The following AFG2A variants were observed in gnomAD, a reference collection of about 807,000 sequenced individuals.
AFG2A encodes the protein AAA ATPase AFG2A, also known as ATPase family gene 2 protein homolog A.
At chr4:123,009,996 C>T in the AFG2A span, among the ~76,000 whole-genome samples, 1 of 152,216 alleles carries the variant, frequency 6.6e-6, no homozygotes, top group South Asian at 2.1e-4. Flanking sequence ...TGCACAACTT[C>T]ATATCTTTCT....
the AFG2A span, among the ~76,000 whole-genome samples, chr4:123,190,648 AAAG>A: frequency 6.6e-6 from 1 of 152,252 alleles, no homozygotes. Flanking sequence ...CACAGGAATG[AAAG>A]AAGAATTGAC....
At chr4:123,313,365 A>G in the AFG2A span, among the ~76,000 whole-genome samples, 1 of 152,244 alleles carries the variant, frequency 6.6e-6, no homozygotes, top group African/African-American at 2.4e-5. Context: ...AAAGAGATAC[A>G]CATAAAGAAA....
the AFG2A span, among the ~76,000 whole-genome samples, chr4:123,303,263 AAAAC>A: frequency 6.6e-6 from 1 of 152,228 alleles, no homozygotes; most frequent in Non-Finnish European, 1.5e-5. Flanking sequence ...AAATTTTTAA[AAAAC>A]AAAAACTATT....
chr4:123,275,292 ATGTT>A, the AFG2A span, among the ~76,000 whole-genome samples: 38 of 152,182 alleles, frequency 2.5e-4, no homozygotes, highest in South Asian at 8.3e-4. Flanking sequence ...TTTGCAAGCA[ATGTT>A]TGCATAAAGT....
At chr4:123,119,714 T>C in the AFG2A span, among the ~76,000 whole-genome samples, 1 of 152,162 alleles carries the variant, frequency 6.6e-6, no homozygotes, top group Non-Finnish European at 1.5e-5. Context: ...GCAATAATTA[T>C]GGGATATTTC....
chr4:123,129,957 G>C, the AFG2A span, among the ~76,000 whole-genome samples: 5 of 151,998 alleles, frequency 3.3e-5, no homozygotes, highest in Admixed American at 2.0e-4. Context: ...CTGAAACACA[G>C]ATGGTTAAGA....
At chr4:122,923,979 A>T in the AFG2A span, among the ~76,000 whole-genome samples, 1 of 152,236 alleles carries the variant, frequency 6.6e-6, no homozygotes, top group Admixed American at 6.5e-5. Flanking sequence ...GGGAGAACGT[A>T]TTTATACTGA....
chr4:123,076,958 C>CTGTGTG, the AFG2A span, among the ~76,000 whole-genome samples: 1 of 144,966 alleles, frequency 6.9e-6, no homozygotes, highest in African/African-American at 2.6e-5. Context: ...AAGCCCTGTG[C>CTGTGTG]TGTGTGTGTG....
At chr4:123,015,036 G>T in the AFG2A span, among the ~76,000 whole-genome samples, 1 of 152,190 alleles carries the variant, frequency 6.6e-6, no homozygotes, top group African/African-American at 2.4e-5. Flanking sequence ...TGGGAGAAAA[G>T]AGAAGCAAAG....
chr4:123,285,250 C>T, the AFG2A span, among the ~76,000 whole-genome samples: 1 of 152,144 alleles, frequency 6.6e-6, no homozygotes, highest in Non-Finnish European at 1.5e-5. Context: ...CTAAAGCCCT[C>T]TTTCAGTTTT....
chr4:122,923,125 C>T, the AFG2A span: 9 of 1,613,958 alleles, frequency 5.6e-6, no homozygotes, highest in Admixed American at 6.7e-5. Context: ...ACTGCTTCGG[C>T]TAGGGTACCT....
chr4:123,234,835 C>T, the AFG2A span, among the ~76,000 whole-genome samples: 114 of 152,158 alleles, frequency 7.5e-4, no homozygotes, highest in African/African-American at 2.6e-3. Context: ...CCACCACTTA[C>T]CAGCTATGTA....
At chr4:123,005,271 C>T in the AFG2A span, among the ~76,000 whole-genome samples, 1 of 152,122 alleles carries the variant, frequency 6.6e-6, no homozygotes, top group Non-Finnish European at 1.5e-5. Context: ...ATGCCTCAGC[C>T]ACTTGAGTAG....
the AFG2A span, among the ~76,000 whole-genome samples, chr4:123,304,741 G>T: frequency 6.6e-6 from 1 of 152,204 alleles, no homozygotes; most frequent in Non-Finnish European, 1.5e-5. Context: ...TGGAAGGCGT[G>T]CTTGCTTCAT....
At chr4:123,033,941 T>C in the AFG2A span, among the ~76,000 whole-genome samples, 4 of 151,978 alleles carry the variant, frequency 2.6e-5, no homozygotes, top group Non-Finnish European at 5.9e-5. Flanking sequence ...GAATTTAATA[T>C]CAAAAGAGGG....
At chr4:123,298,062 C>T in the AFG2A span, among the ~76,000 whole-genome samples, 1 of 151,994 alleles carries the variant, frequency 6.6e-6, no homozygotes, top group East Asian at 1.9e-4. Context: ...CAGAGTTGCT[C>T]TGTTGTCACA....
chr4:123,111,044 G>A, the AFG2A span, among the ~76,000 whole-genome samples: 3 of 152,256 alleles, frequency 2.0e-5, no homozygotes, highest in East Asian at 5.8e-4. Flanking sequence ...GTATGCTTCT[G>A]AATAACCTGA....
At chr4:123,311,898 A>T in the AFG2A span, among the ~76,000 whole-genome samples, 1 of 152,188 alleles carries the variant, frequency 6.6e-6, no homozygotes, top group Non-Finnish European at 1.5e-5. Flanking sequence ...CCTGTCTGAC[A>T]ATTGGTTCCC....
At chr4:123,296,983 C>T in the AFG2A span, among the ~76,000 whole-genome samples, 1 of 152,148 alleles carries the variant, frequency 6.6e-6, no homozygotes, top group Non-Finnish European at 1.5e-5. Flanking sequence ...TTCTTCCCCT[C>T]CAACACATAT....
Sources: allele counts gnomAD v4.1 joint callset (sites outside exome capture counted in the v4.1 genomes callset), GRCh38; gene constraint gnomAD v4.1.1; transcripts MANE v1.5; gene names NCBI Gene and HGNC (gene_info 2026-07-23, HGNC 2026-07-21).